Variants in CYYR1 observed in about 807,000 individuals in gnomAD.
CYYR1 encodes cysteine and tyrosine rich 1, also known as cysteine and tyrosine-rich protein 1.
Under a neutral mutation model 15.2 loss-of-function variants are expected in CYYR1, and 14 were observed. The observed-to-expected ratio is 0.92, with a 90% CI of 0.61 to 1.44. The LOEUF (loss-of-function observed/expected upper bound fraction) is 1.44, where lower values mean the gene tolerates loss of function less well. CYYR1 is among the 40% of genes most tolerant of loss of function. CYYR1 has a pLI of 0.00. For missense variants in CYYR1, 228 were observed against 209.5 expected, an observed-to-expected ratio of 1.09 and a Z score of -0.54; for synonymous variants, 80 against 77.4, an observed-to-expected ratio of 1.03 and a Z score of -0.18.
At chr21:26,537,691 CTG>C (rs1219150702) in intron 2 of CYYR1, among the ~76,000 whole-genome samples, 3 of 152,160 alleles carry the variant, frequency 2.0e-5, no homozygotes, top group Admixed American at 6.5e-5. Flanking sequence ...ATGTTTCAGG[CTG>C]GTAAGTAGAA....
intron 2 of CYYR1, among the ~76,000 whole-genome samples, chr21:26,549,442 A>C (rs923688573): frequency 1.3e-5 from 2 of 152,196 alleles, no homozygotes; most frequent in African/African-American, 4.8e-5. Context: ...CCCACACCTC[A>C]TCGGACTGTA....
chr21:26,544,776 T>C (rs1978833533), intron 2 of CYYR1, among the ~76,000 whole-genome samples: 1 of 152,056 alleles, frequency 6.6e-6, no homozygotes, highest in Non-Finnish European at 1.5e-5. Context: ...TGTGAATATA[T>C]GGGTTTAAAT....
At chr21:26,560,106 GTC>G (rs770285839) in intron 2 of CYYR1, among the ~76,000 whole-genome samples, 10 of 152,038 alleles carry the variant, frequency 6.6e-5, no homozygotes, top group Non-Finnish European at 1.0e-4. Context: ...ATTTCATTAG[GTC>G]TCTCTTTATC....
chr21:26,526,262 A>G (rs974272574), intron 2 of CYYR1, among the ~76,000 whole-genome samples: 1 of 152,154 alleles, frequency 6.6e-6, no homozygotes, highest in Admixed American at 6.5e-5. Flanking sequence ...AGCCTGGCCA[A>G]CATGGTGAAA....
chr21:26,475,625 TCTTGA>T (rs2065092450), intron 3 of CYYR1, among the ~76,000 whole-genome samples: 1 of 152,124 alleles, frequency 6.6e-6, no homozygotes, highest in African/African-American at 2.4e-5. Context: ...CAACAAAACC[TCTTGA>T]CTTCATGTCC....
At chr21:26,478,579 G>T (rs1219731659) in intron 3 of CYYR1, among the ~76,000 whole-genome samples, 1 of 152,112 alleles carries the variant, frequency 6.6e-6, no homozygotes, top group African/African-American at 2.4e-5. Flanking sequence ...ACGCTTTAAT[G>T]CCTCCTCTGC....
At chr21:26,536,414 A>G (rs143590090) in intron 2 of CYYR1, among the ~76,000 whole-genome samples, 10 of 152,328 alleles carry the variant, frequency 6.6e-5, no homozygotes, top group Non-Finnish European at 1.5e-4. Flanking sequence ...GAAATGGTAT[A>G]CCAAAGGGAG....
At chr21:26,494,105 G>A (rs1213052764) in intron 2 of CYYR1, among the ~76,000 whole-genome samples, 2 of 152,158 alleles carry the variant, frequency 1.3e-5, no homozygotes, top group Non-Finnish European at 2.9e-5. Context: ...GACAATGCCC[G>A]AGGTTCCCTC....
chr21:26,570,280 G>T (rs1224445429), intron 1 of CYYR1, among the ~76,000 whole-genome samples: 2 of 152,138 alleles, frequency 1.3e-5, no homozygotes, highest in Admixed American at 6.6e-5. Flanking sequence ...GAAAGGTGTG[G>T]TCTGGAAGAA....
intron 2 of CYYR1, among the ~76,000 whole-genome samples, chr21:26,486,042 G>A (rs1188317181): frequency 6.6e-6 from 1 of 152,046 alleles, no homozygotes; most frequent in African/African-American, 2.4e-5. Flanking sequence ...GGCTAGCAAG[G>A]TTGAACATGT....
chr21:26,504,855 C>T (rs188054909), intron 2 of CYYR1, among the ~76,000 whole-genome samples: 52 of 152,170 alleles, frequency 3.4e-4, no homozygotes, highest in Admixed American at 2.7e-3. Flanking sequence ...TCCCTATGTC[C>T]GTGAGTTGAA....
chr21:26,528,533 T>C (rs1482452671), intron 2 of CYYR1, among the ~76,000 whole-genome samples: 2 of 152,154 alleles, frequency 1.3e-5, no homozygotes, highest in Non-Finnish European at 2.9e-5. Flanking sequence ...TTGCCATGAG[T>C]GGAAGCTTCC....
At chr21:26,475,640 C>T (rs576725349) in intron 3 of CYYR1, among the ~76,000 whole-genome samples, 3 of 152,068 alleles carry the variant, frequency 2.0e-5, no homozygotes, top group East Asian at 3.9e-4. Flanking sequence ...ACTTCATGTC[C>T]ACCTCAGTTT....
chr21:26,552,992 C>G (rs1979505095), intron 2 of CYYR1, among the ~76,000 whole-genome samples: 1 of 152,042 alleles, frequency 6.6e-6, no homozygotes, highest in Non-Finnish European at 1.5e-5. Context: ...TCCATGTTTT[C>G]TCTGGTATCA....
At chr21:26,545,894 C>T (rs1420864872) in intron 2 of CYYR1, among the ~76,000 whole-genome samples, 1 of 152,090 alleles carries the variant, frequency 6.6e-6, no homozygotes, top group African/African-American at 2.4e-5. Flanking sequence ...GTTTACATTA[C>T]CCACTTCTCA....
chr21:26,557,634 C>T (rs767960077), intron 2 of CYYR1, among the ~76,000 whole-genome samples: 1 of 152,076 alleles, frequency 6.6e-6, no homozygotes, highest in South Asian at 2.1e-4. Context: ...CCTAAGGCTC[C>T]GTTGTTGGCT....
intron 2 of CYYR1, among the ~76,000 whole-genome samples, chr21:26,489,320 T>C (rs1341332005): frequency 6.6e-6 from 1 of 152,184 alleles, no homozygotes; most frequent in East Asian, 1.9e-4. Context: ...AATAACACTT[T>C]ATCACTAGAG....
intron 2 of CYYR1, among the ~76,000 whole-genome samples, chr21:26,519,375 G>GA (rs1292652276): frequency 6.6e-6 from 1 of 152,174 alleles, no homozygotes; most frequent in Non-Finnish European, 1.5e-5. Context: ...AGTGGTGAAG[G>GA]AGTTGGCCAA....
At chr21:26,478,157 TA>T in intron 3 of CYYR1, 1 of 1,548,702 alleles carries the variant, frequency 6.5e-7, no homozygotes, top group Non-Finnish European at 8.7e-7. Context: ...AAATGAACAA[TA>T]AACAATCAAC....
Sources: allele counts gnomAD v4.1 joint callset (sites outside exome capture counted in the v4.1 genomes callset), GRCh38; gene constraint gnomAD v4.1.1; transcripts MANE v1.5; gene names NCBI Gene and HGNC (gene_info 2026-07-23, HGNC 2026-07-21).